GRIK4: variants seen among roughly 807,000 people sequenced by gnomAD.
The protein encoded by GRIK4 is glutamate receptor ionotropic, kainate 4.
Under a neutral mutation model 104.9 loss-of-function variants are expected in GRIK4, and 40 were observed. The observed-to-expected ratio is 0.38, with a 90% CI of 0.30 to 0.50. GRIK4 has a LOEUF of 0.50. Ranked by LOEUF, GRIK4 falls within the 20% of genes least tolerant of loss-of-function variation. The pLI, the probability that GRIK4 is intolerant of heterozygous loss-of-function variation, is 0.93. For missense variants in GRIK4, 1,047 were observed against 1,308.1 expected (o/e 0.80, Z 3.08); for synonymous variants, 485 against 524.9 (o/e 0.92, Z 1.04).
chr11:120,597,292 C>T (rs1327734743), intron 1 of GRIK4, among the ~76,000 whole-genome samples: 1 of 152,238 alleles, frequency 6.6e-6, no homozygotes, highest in African/African-American at 2.4e-5. Context: ...AGTGCCTTCC[C>T]ACCATGATGA....
chr11:120,660,066 G>T (rs997075674), intron 2 of GRIK4, among the ~76,000 whole-genome samples: 1 of 152,164 alleles, frequency 6.6e-6, no homozygotes, highest in East Asian at 1.9e-4. Context: ...CTAATGACAC[G>T]CCATGAATCA....
rs575362775 is a variant in GRIK4 at position 120,645,743 on chromosome 11, T to C, written c.-158-7942T>C. Reference sequence around the variant, plus strand: ...TCTTCTGTGGTTCCTGAGAGTTCCCTATCTGGCGCCCGCCTTCACGTTCCC... The same window carrying C: ...TCTTCTGTGGTTCCTGAGAGTTCCCCATCTGGCGCCCGCCTTCACGTTCCC... On this transcript the variant is annotated intron_variant, in intron 1 of 20. Coordinates refer to ENST00000527524, the MANE Select transcript of GRIK4 (RefSeq NM_014619.5). 3.0e-4 allele frequency among the ~76,000 whole-genome samples: 46 copies of C among 152,346 alleles called. 1 individual carries two copies. The highest frequency in any genetic ancestry group is 3.0e-3 in the Admixed American group (46 of 15,308).
At chr11:120,684,716 CT>C (rs199982869) in intron 3 of GRIK4, among the ~76,000 whole-genome samples, 2,596 of 148,120 alleles carry the variant, frequency 0.018, 30 homozygotes, top group African/African-American at 0.035. Flanking sequence ...AATAAAGATG[CT>C]TTTTTTTTTT....
chr11:120,562,214 T>C (rs905299801), intron 1 of GRIK4, among the ~76,000 whole-genome samples: 2 of 152,214 alleles, frequency 1.3e-5, no homozygotes, highest in African/African-American at 4.8e-5. Context: ...TTCAGAGAAA[T>C]TAAGTGACAT....
Position 120,513,400 on chromosome 11 carries a change from C to A in GRIK4, c.-159+1513C>A, listed in dbSNP as rs183493595. 1.4e-4 allele frequency among the ~76,000 whole-genome samples: 22 copies of A among 152,210 alleles called. No homozygotes were observed. The highest frequency in any genetic ancestry group is 5.1e-4 in the African/African-American group (21 of 41,536). On this transcript the variant is annotated intron_variant, in intron 1 of 20. Coordinates refer to ENST00000527524, the MANE Select transcript of GRIK4 (RefSeq NM_014619.5). This position sits in a 1 kb window ranked among gnomAD's most constrained non-coding sequence, Gnocchi z 4.5. ...CTGACTCCCTGACTGTCTGTGCTCG[C>A]GTGGTCAGGGGCGAGGGGCTTGTCG...
chr11:120,532,333 G>C (rs758493912), intron 1 of GRIK4, among the ~76,000 whole-genome samples: 1 of 152,146 alleles, frequency 6.6e-6, no homozygotes, highest in South Asian at 2.1e-4. Flanking sequence ...CCTTGTGCCC[G>C]GGGGTCCGCC....
chr11:120,612,199 C>G (rs1209681362), intron 1 of GRIK4, among the ~76,000 whole-genome samples: 3 of 152,160 alleles, frequency 2.0e-5, no homozygotes, highest in Non-Finnish European at 4.4e-5. Flanking sequence ...TGTGGGACAA[C>G]TCGTCCGCCC....
At chr11:120,514,942 C>T in intron 1 of GRIK4, 1 of 456,370 alleles carries the variant, frequency 2.2e-6, no homozygotes. Context: ...GGCCTCCAGC[C>T]TCAGTTTCCA....
At chr11:120,517,758 C>T (rs902307373) in intron 1 of GRIK4, among the ~76,000 whole-genome samples, 4 of 152,004 alleles carry the variant, frequency 2.6e-5, no homozygotes, top group Non-Finnish European at 5.9e-5. Context: ...CTGTGAAGGC[C>T]CCCAGGAGGG....
At chr11:120,852,182 C>G (rs893391700) in intron 8 of GRIK4, among the ~76,000 whole-genome samples, 1 of 152,192 alleles carries the variant, frequency 6.6e-6, no homozygotes, top group Non-Finnish European at 1.5e-5. Flanking sequence ...TATTTAGCAC[C>G]TAGAGACCCA....
intron 3 of GRIK4, among the ~76,000 whole-genome samples, chr11:120,717,285 G>A (rs1228547277): frequency 6.6e-6 from 1 of 152,216 alleles, no homozygotes; most frequent in Admixed American, 6.5e-5. Context: ...AACGCTGCAG[G>A]AACAGGCTTT....
Position 120,960,971 on chromosome 11 carries a change from TG to T in GRIK4, c.1938del (p.Gln647SerfsTer30). 6.2e-7 allele frequency: 1 copy of T among 1,614,132 alleles called. No individual in the cohort carries two copies. The highest frequency in any genetic ancestry group is 8.5e-7 in the Non-Finnish European group (1 of 1,179,988). On this transcript the variant is annotated frameshift_variant, in exon 17 of 21. Coordinates refer to ENST00000527524, the MANE Select transcript of GRIK4 (RefSeq NM_014619.5). LOFTEE classifies it high-confidence loss of function. ...YTANLAAFLT[V>X]QRMDVPIESV... ...GCCAACCTGGCAGCCTTCCTGACCG[TG>T]CAGCGCATGGATGTGCCCATTGAGT...
chr11:120,583,165 C>G (rs1948611330), intron 1 of GRIK4, among the ~76,000 whole-genome samples: 1 of 152,162 alleles, frequency 6.6e-6, no homozygotes, highest in South Asian at 2.1e-4. Context: ...TGAAAAGTGT[C>G]TGTTGATGTC....
chr11:120,808,648 A>G (rs1952765527), intron 4 of GRIK4, among the ~76,000 whole-genome samples: 1 of 151,962 alleles, frequency 6.6e-6, no homozygotes, highest in East Asian at 1.9e-4. Context: ...TCCCCTGTCT[A>G]CTCCCAGAGA....
chr11:120,683,330 A>G (rs1950226840), intron 3 of GRIK4, among the ~76,000 whole-genome samples: 1 of 152,222 alleles, frequency 6.6e-6, no homozygotes, highest in Non-Finnish European at 1.5e-5. Flanking sequence ...AGGAAAGCTC[A>G]ACAATGACCA....
At chr11:120,664,476 C>T (rs894663581) in intron 3 of GRIK4, among the ~76,000 whole-genome samples, 5 of 152,174 alleles carry the variant, frequency 3.3e-5, no homozygotes, top group Non-Finnish European at 7.3e-5. Flanking sequence ...AAGTATTCCC[C>T]ATATCTCACC....
chr11:120,772,267 A>G (rs1377401221), intron 3 of GRIK4, among the ~76,000 whole-genome samples: 1 of 152,266 alleles, frequency 6.6e-6, no homozygotes, highest in Non-Finnish European at 1.5e-5. Context: ...AGTAATATAT[A>G]AAGAATATAA....
chr11:120,639,605 TTCC>T (rs1410897564), intron 1 of GRIK4, among the ~76,000 whole-genome samples: 1 of 152,202 alleles, frequency 6.6e-6, no homozygotes, highest in African/African-American at 2.4e-5. Context: ...TTGCTTTGCA[TTCC>T]TCCACGACCC....
At chr11:120,802,634 G>A (rs931717668) in intron 3 of GRIK4, 59 bp from the exon 4 acceptor site, 42 of 1,440,488 alleles carry the variant, frequency 2.9e-5, no homozygotes, top group Non-Finnish European at 4.1e-5. Flanking sequence ...GCTGGAGAAG[G>A]AGGAGGGTAA....
Sources: allele counts gnomAD v4.1 joint callset (sites outside exome capture counted in the v4.1 genomes callset), GRCh38; gene constraint gnomAD v4.1.1; non-coding constraint Gnocchi (gnomAD v3.1); transcripts MANE v1.5; gene names NCBI Gene and HGNC (gene_info 2026-07-23, HGNC 2026-07-21).